Variants in ADGRV1 observed in about 807,000 individuals in gnomAD.
The protein encoded by ADGRV1 is G-protein coupled receptor 98.
ADGRV1 carries 359 observed loss-of-function variants against 596.2 expected under a neutral mutation model. The observed-to-expected ratio is 0.60, with a 90% CI of 0.55 to 0.66. The LOEUF is 0.66. Among genes scored for constraint, ADGRV1 ranks in the 30% least tolerant of loss-of-function variants. The pLI is 0.00. For missense variants in ADGRV1, 7,274 were observed against 7,575.6 expected, an observed-to-expected ratio of 0.96 and a Z score of 1.48; for synonymous variants, 2,681 against 2,679.2, an observed-to-expected ratio of 1.00 and a Z score of -0.02.
intron 17 of ADGRV1, among the ~76,000 whole-genome samples, chr5:90,649,040 T>A (rs1311549748): frequency 6.6e-6 from 1 of 152,196 alleles, no homozygotes; most frequent in African/African-American, 2.4e-5. Flanking sequence ...AGTCTCACTC[T>A]GTCACCAGGC....
rs764055118 is a variant in ADGRV1 at position 90,745,053 on chromosome 5, A to G, written c.10557A>G (p.Ile3519Met). The G allele has an allele frequency of 1.2e-6, 2 of 1,612,836 alleles. No individual in the cohort carries two copies. Among genetic ancestry groups the G allele is most frequent in the Admixed American group, 1.7e-5 (1 of 59,996 alleles). ...SFTPASGIAHILLIGQDMSAL... is the reference protein window; with the variant it reads ...SFTPASGIAHMLLIGQDMSAL... ...TTTCTTTCCTTCCTGCAGCCCACATACTTCTTATTGGCCAAGATATGTCTG... is the reference window on the plus strand; with the variant it reads ...TTTCTTTCCTTCCTGCAGCCCACATGCTTCTTATTGGCCAAGATATGTCTG... The change falls in exon 51 of 90, where the codon ATA becomes ATG. Residue 3519 changes from isoleucine to methionine, a missense_variant. Around this residue, in one of 5 missense-constraint regions of ADGRV1, gnomAD observed 3,643 missense variants for 3,809.2 expected, o/e 0.96. Transcript: ENST00000405460.
At chr5:91,065,831 C>T (rs1562168722) in intron 85 of ADGRV1, among the ~76,000 whole-genome samples, 1 of 152,168 alleles carries the variant, frequency 6.6e-6, no homozygotes, top group Admixed American at 6.5e-5. Context: ...GGTAATGAAA[C>T]AGCATCTACT....
At chr5:90,704,246 A>G in intron 35 of ADGRV1, 143 bp from the exon 36 acceptor site, 2 of 606,954 alleles carry the variant, frequency 3.3e-6, no homozygotes, top group Non-Finnish European at 5.8e-6. Flanking sequence ...AGTGGTTTTT[A>G]TTTATTTATT....
Position 91,072,632 on chromosome 5 carries a change from G to A in ADGRV1, c.18310+28G>A, listed in dbSNP as rs1269120078. 1.9e-6 allele frequency: 3 copies of A among 1,593,130 alleles called. No individual in the cohort carries two copies. In the African/African-American group the frequency reaches 4.0e-5, roughly 21 times the overall value. On this transcript the variant is annotated intron_variant, in intron 86 of 89. Transcript: ENST00000405460. ...TTGAAAGGAACTATATTTGTACTTT[G>A]GAGATGGAAACGCTTTAATGGTGGG...
chr5:90,772,451 A>G (rs574452771), intron 59 of ADGRV1, among the ~76,000 whole-genome samples: 33 of 152,298 alleles, frequency 2.2e-4, no homozygotes, highest in African/African-American at 7.0e-4. Flanking sequence ...GCCCCCAAGT[A>G]TAGTGCTGAA....
intron 71 of ADGRV1, chr5:90,805,069 T>A (rs930840575): frequency 5.5e-5 from 20 of 362,348 alleles, no homozygotes; most frequent in African/African-American, 4.0e-4. Context: ...AACGTTTTGA[T>A]TAAAAAAAGA....
At chr5:90,637,168 G>GT (rs2149407574) in intron 10 of ADGRV1, among the ~76,000 whole-genome samples, 1 of 152,266 alleles carries the variant, frequency 6.6e-6, no homozygotes, top group African/African-American at 2.4e-5. Context: ...GAGAGGTTAA[G>GT]TAACTTGCTC....
intron 74 of ADGRV1, among the ~76,000 whole-genome samples, chr5:90,813,132 C>CAAAAAAAA (rs5869522): frequency 0.17 from 5,865 of 34,896 alleles, 2,111 homozygotes; most frequent in Non-Finnish European, 0.26. Flanking sequence ...GACTCCGTCT[C>CAAAAAAAA]AAAAAAAAAA....
intron 89 of ADGRV1, among the ~76,000 whole-genome samples, chr5:91,159,634 C>T (rs1482068413): frequency 6.6e-6 from 1 of 152,082 alleles, no homozygotes; most frequent in Non-Finnish European, 1.5e-5. Flanking sequence ...TCTTGAAGTA[C>T]ATCGGCACTT....
At chr5:90,926,091 C>G (rs1298983143) in intron 83 of ADGRV1, among the ~76,000 whole-genome samples, 40 of 136,650 alleles carry the variant, frequency 2.9e-4, no homozygotes, top group Non-Finnish European at 5.5e-4. Context: ...GTCTAAAATT[C>G]TCTTTTTTGG....
At chr5:91,014,054 C>T (rs1051327775) in intron 85 of ADGRV1, among the ~76,000 whole-genome samples, 8 of 149,538 alleles carry the variant, frequency 5.3e-5, no homozygotes, top group Middle Eastern at 3.5e-3. Context: ...TATTTTGTTC[C>T]GTTGGTCTAT....
intron 87 of ADGRV1, among the ~76,000 whole-genome samples, chr5:91,107,932 A>T (rs1582081562): frequency 6.6e-6 from 1 of 152,180 alleles, no homozygotes; most frequent in South Asian, 2.1e-4. Context: ...TATAAGAAAA[A>T]ATTTTGGTCT....
At chr5:90,756,709 T>C in intron 56 of ADGRV1, 79 bp downstream of exon 56, 2 of 1,182,014 alleles carry the variant, frequency 1.7e-6, no homozygotes, top group Non-Finnish European at 2.4e-6. Context: ...TGTTTAGCTT[T>C]GCCTGTATTT....
At chr5:91,100,499 AGGAAGGAAGGAT>A (rs1791282828) in intron 86 of ADGRV1, among the ~76,000 whole-genome samples, 1 of 151,874 alleles carries the variant, frequency 6.6e-6, no homozygotes, top group African/African-American at 2.4e-5. Flanking sequence ...GCAGGGAGGG[AGGAAGGAAGGAT>A]GGAAGGAAGG....
chr5:90,721,566 T>TA (rs58539532), intron 45 of ADGRV1, among the ~76,000 whole-genome samples: 40,356 of 114,882 alleles, frequency 0.35, 9,133 homozygotes, highest in East Asian at 0.51. Context: ...TAAAATAAAA[T>TA]AAAATAAAAT....
intron 77 of ADGRV1, among the ~76,000 whole-genome samples, chr5:90,839,686 T>C (rs1470437400): frequency 6.6e-6 from 1 of 152,234 alleles, no homozygotes; most frequent in African/African-American, 2.4e-5. Flanking sequence ...CCTTGCAGTC[T>C]CTGTTCAAAT....
At chr5:90,929,019 C>T (rs1319767130) in intron 83 of ADGRV1, among the ~76,000 whole-genome samples, 1 of 150,000 alleles carries the variant, frequency 6.7e-6, no homozygotes, top group African/African-American at 2.5e-5. Flanking sequence ...GCTGGGAGAA[C>T]CACTGCTCTC....
intron 85 of ADGRV1, among the ~76,000 whole-genome samples, chr5:91,002,201 G>A (rs1781907140): frequency 1.3e-5 from 2 of 152,042 alleles, no homozygotes; most frequent in South Asian, 2.1e-4. Context: ...CAGACGCGGT[G>A]TGTTCTGCTC....
At chr5:90,905,603 T>G (rs1772246235) in intron 83 of ADGRV1, among the ~76,000 whole-genome samples, 1 of 152,150 alleles carries the variant, frequency 6.6e-6, no homozygotes, top group Admixed American at 6.5e-5. Flanking sequence ...CTTCACTGAA[T>G]TTGTTTATCA....
Sources: gnomAD v4.1 joint callset for allele counts (sites outside exome capture counted in the v4.1 genomes callset) on GRCh38, gnomAD v4.1.1 for gene constraint, gnomAD v4.1.1 regional missense constraint, MANE v1.5 for transcripts, NCBI Gene and HGNC (gene_info 2026-07-23, HGNC 2026-07-21) for gene names.